The following SIAE variants were observed in gnomAD, a reference collection of about 807,000 sequenced individuals.
SIAE encodes sialic acid acetylesterase.
Under a neutral mutation model 52.6 loss-of-function variants are expected in SIAE, and 39 were observed. The ratio of observed to expected loss-of-function variants is 0.74; its 90% CI spans 0.57 to 0.97. The LOEUF (loss-of-function observed/expected upper bound fraction) is 0.97. Ranked by LOEUF, SIAE falls within the 50% of genes least tolerant of loss-of-function variation. The pLI, the probability that SIAE is intolerant of heterozygous loss-of-function variation, is 0.00. For missense variants in SIAE, 592 were observed against 662.1 expected (o/e 0.89, Z 1.16); for synonymous variants, 233 against 241.4 (o/e 0.97, Z 0.32).
intron 7 of SIAE, 127 bp downstream of exon 7, chr11:124,647,238 A>C (rs1420181655): frequency 6.8e-6 from 9 of 1,323,882 alleles, no homozygotes; most frequent in Non-Finnish European, 9.6e-6. Flanking sequence ...ATGAGGACAA[A>C]AAAGGAAGAT....
At chr11:124,651,254 T>G (rs1943011661) in intron 4 of SIAE, among the ~76,000 whole-genome samples, 1 of 151,976 alleles carries the variant, frequency 6.6e-6, no homozygotes, top group Non-Finnish European at 1.5e-5. Flanking sequence ...GTTGATAGAA[T>G]AAGGCAAGTA....
upstream of SIAE, chr11:124,674,998 T>C (rs530164734): frequency 1.5e-5 from 4 of 273,980 alleles, no homozygotes; most frequent in African/African-American, 8.8e-5. Context: ...TTGAAAATTA[T>C]GGGTTTTTTG....
At chr11:124,644,463 T>C (rs1190236201) in intron 7 of SIAE, among the ~76,000 whole-genome samples, 1 of 152,156 alleles carries the variant, frequency 6.6e-6, no homozygotes, top group Non-Finnish European at 1.5e-5. Context: ...TGAGAATTCT[T>C]GCAGCAATTC....
chr11:124,653,815 G>C (rs1469790217), intron 4 of SIAE, among the ~76,000 whole-genome samples: 1 of 152,218 alleles, frequency 6.6e-6, no homozygotes, highest in African/African-American at 2.4e-5. Context: ...CAGAGAGCAG[G>C]GACTGTGTGT....
chr11:124,675,399 C>A (rs1315511158), upstream of SIAE: 3 of 1,611,410 alleles, frequency 1.9e-6, no homozygotes, highest in East Asian at 4.5e-5. Context: ...ATTTTGAGAG[C>A]CTTCTAGAGA....
At chr11:124,658,610 T>C (rs1943136581) in intron 3 of SIAE, among the ~76,000 whole-genome samples, 1 of 152,240 alleles carries the variant, frequency 6.6e-6, no homozygotes, top group Non-Finnish European at 1.5e-5. Flanking sequence ...TCTCCATTTA[T>C]AAACATCTCA....
At chr11:124,648,706 T>C (rs770978272) in intron 5 of SIAE, among the ~76,000 whole-genome samples, 11 of 151,836 alleles carry the variant, frequency 7.2e-5, no homozygotes, top group Admixed American at 1.3e-4. Flanking sequence ...AATTTCTCTG[T>C]AGAATATTTA....
chr11:124,672,543 T>A (rs1057109108), intron 1 of SIAE, among the ~76,000 whole-genome samples: 1 of 152,160 alleles, frequency 6.6e-6, no homozygotes, highest in East Asian at 1.9e-4. Context: ...ATGTGATCAA[T>A]GTTAATGAAG....
intron 2 of SIAE, among the ~76,000 whole-genome samples, chr11:124,668,550 T>C (rs901096141): frequency 6.6e-6 from 1 of 152,262 alleles, no homozygotes; most frequent in Non-Finnish European, 1.5e-5. Flanking sequence ...AAACTGACTC[T>C]GCACTTGTGT....
intron 7 of SIAE, among the ~76,000 whole-genome samples, chr11:124,646,692 T>C (rs1011522606): frequency 1.3e-5 from 2 of 152,184 alleles, no homozygotes; most frequent in Non-Finnish European, 2.9e-5. Context: ...CTTACAAAGG[T>C]GTACCTTTTG....
intron 7 of SIAE, among the ~76,000 whole-genome samples, chr11:124,643,378 C>T (rs1228879943): frequency 1.3e-5 from 2 of 152,034 alleles, no homozygotes; most frequent in Non-Finnish European, 2.9e-5. Context: ...GCCTTCCGAC[C>T]CGACTTACAC....
chr11:124,649,603 G>C lies in SIAE; in HGVS notation c.722+16C>G, dbSNP rs1229085357. ...CCCTGGTAGGCTCTTTCTCAGACTG[G>C]AGAATGCTGTCTTACCCTTGTTTAG... On this transcript the variant is annotated intron_variant, in intron 5 of 9. Transcript: ENST00000263593. 1 of 1,613,520 alleles carries C rather than the reference G, an allele frequency of 6.2e-7. No homozygotes were observed. The highest frequency in any genetic ancestry group is 1.3e-5 in the African/African-American group (1 of 75,012).
intron 3 of SIAE, chr11:124,659,725 A>G (rs1378299710): frequency 2.6e-5 from 4 of 151,826 alleles, no homozygotes; most frequent in East Asian, 1.9e-4. Context: ...GAAGACTTCA[A>G]TGCAAGAATT....
upstream of SIAE, chr11:124,673,804 A>C (rs561639663): frequency 1.9e-5 from 27 of 1,410,100 alleles, no homozygotes; most frequent in Non-Finnish European, 2.5e-5. Context: ...ACCCTTTTGC[A>C]GTCCTCGCAG....
intron 1 of SIAE, among the ~76,000 whole-genome samples, chr11:124,671,102 T>C (rs2134395627): frequency 6.6e-6 from 1 of 152,320 alleles, no homozygotes; most frequent in African/African-American, 2.4e-5. Flanking sequence ...CCCAAGTCTG[T>C]CTGTTTTCAC....
intron 1 of SIAE, among the ~76,000 whole-genome samples, chr11:124,671,680 AAGAG>A (rs899084894): frequency 6.6e-5 from 10 of 152,334 alleles, no homozygotes; most frequent in Middle Eastern, 3.4e-3. Context: ...GACAAAAAAA[AAGAG>A]AGAGAGAATG....
chr11:124,674,853 A>C, upstream of SIAE: 1 of 153,842 alleles, frequency 6.5e-6, no homozygotes, highest in Non-Finnish European at 1.4e-5. Flanking sequence ...AAAAAAATAG[A>C]CCTCAAAGAA....
intron 6 of SIAE, 122 bp from the exon 7 acceptor site, chr11:124,647,620 CT>C (rs1164503830): frequency 8.2e-7 from 1 of 1,224,990 alleles, no homozygotes; most frequent in Non-Finnish European, 1.2e-6. Context: ...CTGGACTGGT[CT>C]TTTTCCAGCC....
chr11:124,647,557 T>A, intron 6 of SIAE, 59 bp from the exon 7 acceptor site: 1 of 1,595,724 alleles, frequency 6.3e-7, no homozygotes. Context: ...TGACCACACA[T>A]TACTCTCCTC....
Sources: allele counts gnomAD v4.1 joint callset (sites outside exome capture counted in the v4.1 genomes callset), GRCh38; gene constraint gnomAD v4.1.1; transcripts MANE v1.5; gene names NCBI Gene and HGNC (gene_info 2026-07-23, HGNC 2026-07-21).